NPIPB7: variants seen among roughly 807,000 people sequenced by gnomAD.
NPIPB7 encodes nuclear pore complex-interacting protein family member B7.
For missense variants in NPIPB7, 14 were observed against 238.5 expected (o/e 0.06, Z 6.20); for synonymous variants, 9 against 88.1 (o/e 0.10, Z 5.03).
chr16:28,471,875 T>A (rs1466720444), upstream of NPIPB7, among the ~76,000 whole-genome samples: 1 of 152,064 alleles, frequency 6.6e-6, no homozygotes, highest in Non-Finnish European at 1.5e-5. Context: ...CTCAGGGATG[T>A]CCAAGGAATC....
intron 2 of NPIPB7, among the ~76,000 whole-genome samples, chr16:28,463,363 C>A (rs2045883079): frequency 8.0e-6 from 1 of 125,550 alleles, no homozygotes. Context: ...TGTACTCCAG[C>A]CTGAGCGACA....
At chr16:28,467,709 C>G (rs2045914039) in intron 1 of NPIPB7, among the ~76,000 whole-genome samples, 1 of 145,622 alleles carries the variant, frequency 6.9e-6, no homozygotes, top group African/African-American at 2.5e-5. Context: ...TCCTGAGTAG[C>G]TGGGAGTACA....
At chr16:28,469,475 G>A (rs1490621559) in intron 1 of NPIPB7, among the ~76,000 whole-genome samples, 55 of 147,856 alleles carry the variant, frequency 3.7e-4, no homozygotes, top group South Asian at 1.3e-3. Flanking sequence ...GCACATGTCT[G>A]TAATCCCAGC....
At chr16:28,464,354 C>T (rs1943925331) in intron 2 of NPIPB7, among the ~76,000 whole-genome samples, 1 of 151,510 alleles carries the variant, frequency 6.6e-6, no homozygotes, top group Non-Finnish European at 1.5e-5. Flanking sequence ...TGACTGAATT[C>T]CCTCCAAGAT....
intron 4 of NPIPB7, among the ~76,000 whole-genome samples, chr16:28,461,846 G>A (rs2045871804): frequency 7.1e-6 from 1 of 141,710 alleles, no homozygotes; most frequent in African/African-American, 2.7e-5. Context: ...TACTCAAGAG[G>A]CTGAGGGATA....
intron 4 of NPIPB7, among the ~76,000 whole-genome samples, chr16:28,461,972 T>C (rs1055938063): frequency 1.5e-5 from 2 of 129,550 alleles, no homozygotes; most frequent in African/African-American, 5.8e-5. Flanking sequence ...AAAAAAAAAT[T>C]GGCCGAATGT....
chr16:28,468,581 G>A (rs1246311993), intron 1 of NPIPB7, among the ~76,000 whole-genome samples: 4 of 134,680 alleles, frequency 3.0e-5, no homozygotes, highest in Non-Finnish European at 4.8e-5. Context: ...AGCCGAGGTG[G>A]GTGGACCACG....
At chr16:28,469,982 A>C (rs548275959) in intron 1 of NPIPB7, among the ~76,000 whole-genome samples, 861 of 136,336 alleles carry the variant, frequency 6.3e-3, no homozygotes, top group Non-Finnish European at 8.7e-3. Flanking sequence ...AAAAAAAAAA[A>C]AAAAAAGTCA....
intron 4 of NPIPB7, among the ~76,000 whole-genome samples, chr16:28,462,414 G>GAA (rs1270738918): frequency 5.7e-5 from 7 of 123,726 alleles, no homozygotes; most frequent in Middle Eastern, 4.5e-3. Context: ...TCCATCTCAG[G>GAA]AAAAAAAAAA....
intron 2 of NPIPB7, among the ~76,000 whole-genome samples, chr16:28,463,684 C>T (rs1291517781): frequency 1.0e-5 from 1 of 95,782 alleles, no homozygotes; most frequent in Admixed American, 1.3e-4. Flanking sequence ...TGAGATTGTG[C>T]CATTGCACTC....
chr16:28,463,085 G>C lies in NPIPB7; in HGVS notation c.250-4C>G, dbSNP rs2045881156. 2 of 276,692 alleles carry C rather than the reference G, an allele frequency of 7.2e-6. No individual in the cohort carries two copies. The highest frequency in any genetic ancestry group is 2.3e-5 in the South Asian group (1 of 43,496). The allele number at this position is 276,692 out of a possible 1,614,324, so 17.1% of individuals were successfully genotyped here. A position where few individuals can be genotyped will look rare whatever the true frequency, so the allele number is the denominator to read the frequency against. ...AGATAGTCTTCAGGAAAGACACCTA[G>C]GAAATAATAATATAAGAATGACGGC... On this transcript the variant is annotated splice_polypyrimidine_tract_variant and splice_region_variant and intron_variant, in intron 2 of 6. Coordinates refer to ENST00000452313, the Ensembl canonical transcript of NPIPB7.
upstream of NPIPB7, among the ~76,000 whole-genome samples, chr16:28,470,803 A>C (rs2045945319): frequency 1.4e-5 from 2 of 146,252 alleles, no homozygotes; most frequent in African/African-American, 4.9e-5. Flanking sequence ...CAGGTCACGG[A>C]GAAGATCAGG....
chr16:28,465,533 C>G lies in NPIPB7; in HGVS notation c.249+1187G>C, dbSNP rs1436901947. ...AAAAAAAGCTTCCTCCAATTTATAC[C>G]GAAAATTCTCTGTTCAGGACTAAGT... On this transcript the variant is annotated intron_variant, in intron 2 of 6. Coordinates refer to ENST00000452313, the Ensembl canonical transcript of NPIPB7. Among the ~76,000 whole-genome samples the G allele has an allele frequency of 4.1e-5, 6 of 147,238 alleles. No homozygotes were observed. The East Asian group carries it at 9.8e-4, about 24-fold the overall frequency.
chr16:28,469,950 C>T (rs1427840328), intron 1 of NPIPB7: 14 of 284,986 alleles, frequency 4.9e-5, no homozygotes, highest in East Asian at 1.1e-4. Flanking sequence ...CCAGCCTGGG[C>T]GACAGAGTGA....
At chr16:28,471,738 CA>C (rs1329248043), upstream of NPIPB7, among the ~76,000 whole-genome samples, 2 of 136,378 alleles carry the variant, frequency 1.5e-5, no homozygotes. Flanking sequence ...CCCACCTAGA[CA>C]ATTTAACATC....
upstream of NPIPB7, chr16:28,470,626 G>A (rs1400102071): frequency 1.9e-5 from 1 of 52,104 alleles, no homozygotes; most frequent in South Asian, 1.6e-4. Context: ...GGGAAGGGGA[G>A]GGGAGGGGGA....
chr16:28,472,025 G>A (rs926768868), upstream of NPIPB7, among the ~76,000 whole-genome samples: 1 of 151,656 alleles, frequency 6.6e-6, no homozygotes, highest in African/African-American at 2.4e-5. Flanking sequence ...GCGAGACTCC[G>A]TCTCCAAAAA....
chr16:28,470,693 G>C, upstream of NPIPB7: 1 of 566,154 alleles, frequency 1.8e-6, no homozygotes. Flanking sequence ...GAAGGGGGCT[G>C]TTGGGCACCT....
upstream of NPIPB7, among the ~76,000 whole-genome samples, chr16:28,471,953 C>G (rs546460971): frequency 6.6e-6 from 1 of 152,274 alleles, no homozygotes; most frequent in East Asian, 1.9e-4. Flanking sequence ...TCACTTGAAC[C>G]TGGAAGATGG....
Sources: gnomAD v4.1 joint callset for allele counts (sites outside exome capture counted in the v4.1 genomes callset) on GRCh38, gnomAD v4.1.1 for gene constraint, MANE v1.5 for transcripts, NCBI Gene and HGNC (gene_info 2026-07-23, HGNC 2026-07-21) for gene names.